Variants in TACC2 observed in about 807,000 individuals in gnomAD.
The protein encoded by TACC2 is transforming acidic coiled-coil containing protein 2.
Under a neutral mutation model 227.3 loss-of-function variants are expected in TACC2, and 137 were observed. The observed-to-expected ratio is 0.60, with a 90% confidence interval of 0.52 to 0.69. The LOEUF (loss-of-function observed/expected upper bound fraction) is 0.69. Ranked by LOEUF, TACC2 falls within the 30% of genes least tolerant of loss-of-function variation. The pLI, the probability that TACC2 is intolerant of heterozygous loss-of-function variation, is 0.00. For missense variants in TACC2, 3,470 were observed against 3,694.4 expected (o/e 0.94, Z 1.57); for synonymous variants, 1,523 against 1,487.5 (o/e 1.02, Z -0.55).
rs1342163581 is a variant in TACC2, at chr10:122,122,706, G to A, written c.5574-9903G>A. On this transcript the variant is annotated intron_variant, in intron 5 of 22. Coordinates refer to ENST00000369005, the MANE Select transcript of TACC2 (RefSeq NM_206862.4). ...CCTGGCTCCTGTGCTCTTGGACGCG[G>A]GTCCCAGTCCTGACTCTGTTCTTCG... Among the ~76,000 whole-genome samples the A allele has an allele frequency of 4.6e-5, 7 of 152,178 alleles. No homozygotes were observed. In the East Asian group the frequency reaches 1.4e-3, roughly 30 times the overall value.
rs776476408 is a variant in TACC2 at position 122,087,017 on chromosome 10, A to G, written c.4517A>G (p.Glu1506Gly). ...KLLGPAGLTW[E>G]RNLPGAGVGK... ...CTGGGTCCAGCAGGGCTGACCTGGG[A>G]GCGGAACTTGCCAGGTGCCGGTGTG... is the stretch of plus-strand genomic sequence containing the variant. The change falls in exon 4 of 23, where the codon GAG (glutamate) becomes GGG (glycine). Residue 1506 changes from glutamate (E) to glycine (G), a missense_variant. Transcript: ENST00000369005. The G allele has an allele frequency of 6.2e-7, 1 of 1,613,902 alleles. No individual in the cohort carries two copies. Among genetic ancestry groups the G allele is most frequent in the East Asian group, 2.2e-5 (1 of 44,860 alleles).
At position 122,083,032 on chromosome 10, in the gene TACC2, C is replaced by T. The variant is rs759412867; in HGVS notation, c.532C>T (p.Gln178Ter). 6.2e-7 allele frequency: 1 copy of T among 1,612,504 alleles called. No individual in the cohort carries two copies. Among genetic ancestry groups the T allele is most frequent in the South Asian group, 1.1e-5 (1 of 91,080 alleles). Reference protein sequence around the residue: ...AAVPSAGRERQPKEEGQKSSF... With the variant: ...AAVPSAGRER ...CGTCCCCAGTGCTGGAAGAGAGAGA[C>T]AGCCGAAGGAAGAAGGACAGAAGTC... The change falls in exon 4 of 23, where the codon CAG becomes TAG. Residue 178 changes from glutamine to a stop codon, truncating the protein, a stop_gained. Transcript: ENST00000369005. LOFTEE classifies it high-confidence loss of function.
Position 122,084,431 on chromosome 10 carries a change from C to G in TACC2, c.1931C>G (p.Thr644Arg). Residue 644 changes from threonine (T) to arginine (R), a missense_variant, in exon 4 of 23, where the codon ACG (threonine) becomes AGG (arginine). Thr to Arg is a moderately conservative substitution (Grantham distance 71). This residue lies in a region of TACC2 where 1,924 missense variants were observed against 1,978.3 expected (regional missense o/e 0.97). Coordinates refer to ENST00000369005, the MANE Select transcript of TACC2 (RefSeq NM_206862.4). ...CCCAGAAAGGGGGGTGCTGGGCACA[C>G]GGACGGGCCCCACTCTCAGACAGCA... ...QPPRKGGAGH[T>R]DGPHSQTAEA... 6.2e-7 allele frequency: 1 copy of G among 1,612,750 alleles called. No individual in the cohort carries two copies. Among genetic ancestry groups the G allele is most frequent in the Non-Finnish European group, 8.5e-7 (1 of 1,180,010 alleles).
At chr10:122,108,372 C>T (rs186636561) in intron 5 of TACC2, among the ~76,000 whole-genome samples, 144 of 142,406 alleles carry the variant, frequency 1.0e-3, no homozygotes, top group Middle Eastern at 3.5e-3. Flanking sequence ...GTATTCCATG[C>T]GCGCGCGCTC....
chr10:121,993,372 C>A (rs1193322192), intron 1 of TACC2, among the ~76,000 whole-genome samples: 3 of 152,224 alleles, frequency 2.0e-5, no homozygotes, highest in Non-Finnish European at 4.4e-5. Flanking sequence ...TAAATTTTCT[C>A]TGAAAAATTA....
chr10:122,142,628 C>T (rs558916266), intron 6 of TACC2, among the ~76,000 whole-genome samples: 19 of 152,328 alleles, frequency 1.2e-4, no homozygotes, highest in Admixed American at 4.6e-4. Context: ...GGTGTTTACC[C>T]GCAGAGGGAA....
intron 1 of TACC2, among the ~76,000 whole-genome samples, chr10:121,992,724 G>A (rs1953079828): frequency 6.6e-6 from 1 of 152,154 alleles, no homozygotes; most frequent in African/African-American, 2.4e-5. Flanking sequence ...GGAGGCCAAG[G>A]AGGGTGGATT....
intron 5 of TACC2, among the ~76,000 whole-genome samples, chr10:122,098,406 A>G (rs1226906421): frequency 6.6e-6 from 1 of 152,192 alleles, no homozygotes; most frequent in East Asian, 1.9e-4. Context: ...ATAATTCAAC[A>G]CAACTAGCTA....
At chr10:122,171,372 C>T (rs2093465113) in intron 7 of TACC2, among the ~76,000 whole-genome samples, 1 of 152,156 alleles carries the variant, frequency 6.6e-6, no homozygotes, top group African/African-American at 2.4e-5. Context: ...TGGGGTGGCC[C>T]CTCTGCTCAG....
intron 6 of TACC2, among the ~76,000 whole-genome samples, chr10:122,135,964 C>T (rs11200426): frequency 0.039 from 5,980 of 152,306 alleles, 181 homozygotes; most frequent in South Asian, 0.11. Context: ...CAACAGGCCT[C>T]GGGGCGAAAA....
intron 3 of TACC2, among the ~76,000 whole-genome samples, chr10:122,069,398 C>T (rs1415195064): frequency 3.3e-5 from 5 of 152,094 alleles, no homozygotes; most frequent in South Asian, 2.1e-4. Context: ...CCCACCACTA[C>T]GCCCGGCTAA....
chr10:122,124,869 A>G (rs1015581608), intron 5 of TACC2, among the ~76,000 whole-genome samples: 2 of 152,086 alleles, frequency 1.3e-5, no homozygotes, highest in Non-Finnish European at 2.9e-5. Context: ...ATGTACCTAT[A>G]TATCCATCAT....
At chr10:122,111,369 C>T (rs537038938) in intron 5 of TACC2, among the ~76,000 whole-genome samples, 4 of 152,352 alleles carry the variant, frequency 2.6e-5, no homozygotes, top group African/African-American at 7.2e-5. Context: ...GGGGCTGTTT[C>T]ACATGAACGG....
chr10:122,012,021 T>TC (rs1955986954), intron 1 of TACC2, among the ~76,000 whole-genome samples: 1 of 151,842 alleles, frequency 6.6e-6, no homozygotes, highest in Admixed American at 6.6e-5. Flanking sequence ...CCCTGCAACC[T>TC]CCACCTCCCA....
chr10:122,208,592 T>C (rs1425957834), intron 8 of TACC2, among the ~76,000 whole-genome samples: 4 of 152,162 alleles, frequency 2.6e-5, no homozygotes, highest in Admixed American at 2.6e-4. Context: ...AAATACAGGG[T>C]GCCCATTAAA....
intron 5 of TACC2, among the ~76,000 whole-genome samples, chr10:122,117,899 T>C (rs1337477400): frequency 6.6e-6 from 1 of 152,176 alleles, no homozygotes; most frequent in African/African-American, 2.4e-5. Context: ...TTCCTCCTTT[T>C]ATACCCAGGA....
intron 8 of TACC2, among the ~76,000 whole-genome samples, chr10:122,196,372 C>T (rs1262689586): frequency 3.9e-5 from 6 of 152,132 alleles, no homozygotes; most frequent in Admixed American, 2.0e-4. Flanking sequence ...TGGAGTCTGC[C>T]GAATACTGCT....
chr10:122,063,167 A>G (rs79235923), intron 3 of TACC2, among the ~76,000 whole-genome samples: 4,902 of 152,328 alleles, frequency 0.032, 244 homozygotes, highest in African/African-American at 0.11. Context: ...AGTTCTTAGC[A>G]GAAAAAAGAA....
At chr10:122,033,087 A>G in intron 2 of TACC2, 1 of 1,289,108 alleles carries the variant, frequency 7.8e-7, no homozygotes, top group Non-Finnish European at 1.0e-6. Context: ...ATCCCTTTGC[A>G]TTTCAGCAGG....
Sources: gnomAD v4.1 joint callset for allele counts (sites outside exome capture counted in the v4.1 genomes callset) on GRCh38, gnomAD v4.1.1 for gene constraint, gnomAD v4.1.1 regional missense constraint, MANE v1.5 for transcripts, NCBI Gene and HGNC (gene_info 2026-07-23, HGNC 2026-07-21) for gene names.